The following SPP2 variants were observed in gnomAD, a reference collection of about 807,000 sequenced individuals.
SPP2 encodes the protein secreted phosphoprotein 2, also known as secreted phosphoprotein 24.
Under a neutral mutation model 28.8 loss-of-function variants are expected in SPP2, and 34 were observed. The observed-to-expected ratio is 1.18, with a 90% CI of 0.90 to 1.57. SPP2 has a LOEUF of 1.57. Ranked by LOEUF, SPP2 falls within the 40% of genes most tolerant of loss-of-function variation. SPP2 has a pLI of 0.00. For synonymous variants in SPP2, 96 were observed against 89.4 expected (o/e 1.07, Z -0.42); for missense variants, 269 against 263.9 (o/e 1.02, Z -0.13).
At position 234,067,205 on chromosome 2, in the gene SPP2, G is replaced by T. The variant is rs1367519026; in HGVS notation, c.500-19G>T. The T allele has an allele frequency of 1.9e-6, 3 of 1,610,872 alleles. No individual in the cohort carries two copies. In the South Asian group the frequency reaches 3.3e-5, roughly 18 times the overall value. On this transcript the variant is annotated intron_variant, in intron 5 of 7. Transcript: ENST00000168148. ...AACAGTGAGAGGAGTCTTGTCTTAT[G>T]ATTATTACTGTGTTACAGGTCTCAT...
intron 6 of SPP2, 67 bp downstream of exon 6, chr2:234,067,341 C>T (rs749376162): frequency 7.1e-7 from 1 of 1,403,954 alleles, no homozygotes; most frequent in South Asian, 1.2e-5. Context: ...CTGAGAAATC[C>T]TATTTCATAG....
intron 2 of SPP2, among the ~76,000 whole-genome samples, chr2:234,054,171 A>G (rs1327166388): frequency 2.0e-5 from 3 of 152,172 alleles, no homozygotes; most frequent in Non-Finnish European, 4.4e-5. Flanking sequence ...GAGCTGGCAG[A>G]GTCAGTGGGA....
In SPP2 at chr2:234,062,746, A is replaced by G. The variant is rs189199633; in HGVS notation, c.444+2267A>G. Reference sequence around the variant, plus strand: ...TGGTTCATTTTATGACCTTTAACACAAAATGAATTTAGTAAATGGCCAGCT... The same window carrying G: ...TGGTTCATTTTATGACCTTTAACACGAAATGAATTTAGTAAATGGCCAGCT... On this transcript the variant is annotated intron_variant, in intron 4 of 7. Transcript: ENST00000168148. 3.1e-4 allele frequency among the ~76,000 whole-genome samples: 47 copies of G among 152,362 alleles called. 2 individuals carry two copies. The East Asian group carries it at 8.3e-3, about 27-fold the overall frequency.
In SPP2 at chr2:234,058,729, G is replaced by A; in HGVS notation, c.211-107G>A. On this transcript the variant is annotated intron_variant, in intron 2 of 7. Transcript: ENST00000168148. ...TGCTAAGATAATTTATTGCTTTCAT[G>A]GTGGACAATTCTGTAATTTTTTTCT... 3 of 1,287,414 alleles carry A rather than the reference G, an allele frequency of 2.3e-6. No homozygotes were observed. The South Asian group carries it at 4.9e-5, about 21-fold the overall frequency. The allele number at this position is 1,287,414 out of a possible 1,614,324, so 79.7% of individuals were successfully genotyped here. A position where few individuals can be genotyped will look rare whatever the true frequency, so the allele number is the denominator to read the frequency against.
rs919479362 is a variant in SPP2 at position 234,051,197 on chromosome 2, T to C, written c.210+102T>C. Reference sequence around the variant, plus strand: ...TAAGAAATTTTCTCCAGTTTAAAAATGATAGTAGCTAGTCATCTCTTTCAT... The same window carrying C: ...TAAGAAATTTTCTCCAGTTTAAAAACGATAGTAGCTAGTCATCTCTTTCAT... On this transcript the variant is annotated intron_variant, in intron 2 of 7. Transcript: ENST00000168148. 8 of 1,410,920 alleles carry C rather than the reference T, an allele frequency of 5.7e-6. No homozygotes were observed. The African/African-American group carries it at 1.1e-4, about 20-fold the overall frequency. 87.4% of individuals were successfully genotyped at this position (1,410,920 alleles called of 1,614,324 possible).
rs1216068967 is a variant in SPP2, at chr2:234,067,290, C to A, written c.550+16C>A. 3.1e-6 allele frequency: 5 copies of A among 1,613,616 alleles called. No individual in the cohort carries two copies. In the South Asian group the frequency reaches 4.4e-5, roughly 14 times the overall value. On this transcript the variant is annotated intron_variant, in intron 6 of 7. Transcript: ENST00000168148. ...CGGTCACTTGGTAAGTGATTTCTTTCCTGCTGTGCCACCAGACCCTTTTCT... is the reference window on the plus strand; with the variant it reads ...CGGTCACTTGGTAAGTGATTTCTTTACTGCTGTGCCACCAGACCCTTTTCT...
intron 7 of SPP2, among the ~76,000 whole-genome samples, chr2:234,073,451 C>T (rs957338428): frequency 2.0e-5 from 3 of 152,140 alleles, no homozygotes; most frequent in Non-Finnish European, 4.4e-5. Flanking sequence ...GAGACTTGGG[C>T]TATTTGTTAT....
chr2:234,053,291 T>C (rs1356015568), intron 2 of SPP2, among the ~76,000 whole-genome samples: 1 of 152,188 alleles, frequency 6.6e-6, no homozygotes, highest in Admixed American at 6.5e-5. Context: ...AATTAGTAAA[T>C]ATTTAAAACT....
chr2:234,060,527 G>C, intron 4 of SPP2, 48 bp downstream of exon 4: 1 of 1,472,178 alleles, frequency 6.8e-7, no homozygotes, highest in South Asian at 1.2e-5. Context: ...CTTAGGGTCT[G>C]TGTGGGTTTG....
intron 5 of SPP2, 121 bp from the exon 6 acceptor site, chr2:234,067,103 C>A: frequency 1.0e-6 from 1 of 976,888 alleles, no homozygotes. Context: ...CAATAAAACT[C>A]AATGGTGATC....
chr2:234,063,165 A>T (rs1460375244), intron 4 of SPP2, among the ~76,000 whole-genome samples: 1 of 152,176 alleles, frequency 6.6e-6, no homozygotes, highest in Non-Finnish European at 1.5e-5. Context: ...TCAGTGAAAA[A>T]AAATGGCAAT....
At chr2:234,063,519 A>G (rs1373406148) in intron 4 of SPP2, among the ~76,000 whole-genome samples, 2 of 152,236 alleles carry the variant, frequency 1.3e-5, no homozygotes, top group African/African-American at 4.8e-5. Flanking sequence ...AAAATTGAGA[A>G]AATAAATTTC....
intron 7 of SPP2, among the ~76,000 whole-genome samples, chr2:234,075,141 T>G (rs1222002030): frequency 1.3e-5 from 2 of 152,010 alleles, no homozygotes; most frequent in Non-Finnish European, 2.9e-5. Context: ...TGACTCCAAG[T>G]TTTTGCTGCT....
chr2:234,060,378 G>C lies in SPP2; in HGVS notation c.343G>C (p.Val115Leu), dbSNP rs1213169901. 1.2e-6 allele frequency: 2 copies of C among 1,613,880 alleles called. No individual in the cohort carries two copies. Among genetic ancestry groups the C allele is most frequent in the Non-Finnish European group, 8.5e-7 (1 of 1,179,860 alleles). Reference sequence around the variant, plus strand: ...CCTTTGTCTTTTCCAGTCCACAGCTGTTTGCAGAAGCACCGTGAAGGTATC... The same window carrying C: ...CCTTTGTCTTTTCCAGTCCACAGCTCTTTGCAGAAGCACCGTGAAGGTATC... ...FQRDYYVSTA[V>L]CRSTVKVSAQ... The change falls in exon 4 of 8, where the codon GTT (valine) becomes CTT (leucine). Residue 115 changes from valine (V) to leucine (L), a missense_variant. Transcript: ENST00000168148.
intron 3 of SPP2, 74 bp downstream of exon 3, chr2:234,059,032 C>T (rs1693665812): frequency 6.5e-7 from 1 of 1,546,526 alleles, no homozygotes. Flanking sequence ...TGGAGTCACA[C>T]AAAGAACTTG....
intron 7 of SPP2, among the ~76,000 whole-genome samples, chr2:234,076,610 C>G (rs1206260931): frequency 6.6e-6 from 1 of 152,108 alleles, no homozygotes; most frequent in East Asian, 1.9e-4. Flanking sequence ...TGATCTCCAG[C>G]CCCACACCCG....
chr2:234,062,770 C>G lies in SPP2; in HGVS notation c.444+2291C>G, dbSNP rs528294434. ...CAAAATGAATTTAGTAAATGGCCAGCTAAGTTAACGCCTCTTCCACCCTGA... is the reference window on the plus strand; with the variant it reads ...CAAAATGAATTTAGTAAATGGCCAGGTAAGTTAACGCCTCTTCCACCCTGA... On this transcript the variant is annotated intron_variant, in intron 4 of 7. Coordinates refer to ENST00000168148, the MANE Select transcript of SPP2 (RefSeq NM_006944.3). 2.0e-5 allele frequency among the ~76,000 whole-genome samples: 3 copies of G among 152,282 alleles called. No individual in the cohort carries two copies. In the South Asian group the frequency reaches 6.2e-4, roughly 32 times the overall value.
intron 6 of SPP2, among the ~76,000 whole-genome samples, chr2:234,067,526 C>T (rs1265383221): frequency 6.6e-6 from 1 of 151,990 alleles, no homozygotes; most frequent in African/African-American, 2.4e-5. Flanking sequence ...GCCTGTAATC[C>T]CAGCACTTTG....
intron 7 of SPP2, among the ~76,000 whole-genome samples, chr2:234,074,755 A>G (rs749036181): frequency 1.3e-5 from 2 of 152,128 alleles, no homozygotes; most frequent in Non-Finnish European, 1.5e-5. Flanking sequence ...TCCTCAACTG[A>G]TTAGTCTATA....
Sources: gnomAD v4.1 joint callset for allele counts (sites outside exome capture counted in the v4.1 genomes callset) on GRCh38, gnomAD v4.1.1 for gene constraint, MANE v1.5 for transcripts, NCBI Gene and HGNC (gene_info 2026-07-23, HGNC 2026-07-21) for gene names.